NCK2: variants seen among roughly 807,000 people sequenced by gnomAD.
NCK2 encodes the protein cytoplasmic protein NCK2.
Under a neutral mutation model 33.9 loss-of-function variants are expected in NCK2, and 16 were observed. The observed-to-expected ratio is 0.47, with a 90% CI of 0.32 to 0.72. The LOEUF (loss-of-function observed/expected upper bound fraction) is 0.72, where lower values mean the gene tolerates loss of function less well. Among genes scored for constraint, NCK2 ranks in the 30% least tolerant of loss-of-function variants. The probability of loss-of-function intolerance (pLI) is 0.03; values close to 1 mark genes in which losing one functional copy is unlikely to be tolerated. For synonymous variants in NCK2, 273 were observed against 239.9 expected, an observed-to-expected ratio of 1.14 and a Z score of -1.27; for missense variants, 418 against 537.3, an observed-to-expected ratio of 0.78 and a Z score of 2.19.
chr2:105,859,897 C>T (rs1697734255), intron 3 of NCK2, among the ~76,000 whole-genome samples: 2 of 152,166 alleles, frequency 1.3e-5, no homozygotes, highest in Admixed American at 1.3e-4. Flanking sequence ...ACGGGCACAC[C>T]TGCCTTGGAG....
chr2:105,767,710 A>G (rs1689992675), intron 1 of NCK2, among the ~76,000 whole-genome samples: 1 of 152,236 alleles, frequency 6.6e-6, no homozygotes, highest in Non-Finnish European at 1.5e-5. Context: ...AACAGAAATC[A>G]GGAGAGCTGC....
chr2:105,843,010 G>C (rs1676710035), intron 2 of NCK2, among the ~76,000 whole-genome samples: 1 of 152,174 alleles, frequency 6.6e-6, no homozygotes, highest in Non-Finnish European at 1.5e-5. Context: ...ATGTGGCCCA[G>C]GAGTGGGCTA....
At chr2:105,775,076 T>C (rs1690258304) in intron 1 of NCK2, among the ~76,000 whole-genome samples, 1 of 152,130 alleles carries the variant, frequency 6.6e-6, no homozygotes, top group Non-Finnish European at 1.5e-5. Flanking sequence ...AGAAATTGAG[T>C]CACACCATGG....
chr2:105,764,597 A>T (rs1689874461), intron 1 of NCK2, among the ~76,000 whole-genome samples: 1 of 152,198 alleles, frequency 6.6e-6, no homozygotes, highest in Admixed American at 6.5e-5. Flanking sequence ...TCAAAGTGCA[A>T]ACCAAACACA....
intron 2 of NCK2, among the ~76,000 whole-genome samples, chr2:105,820,811 T>A (rs1251786799): frequency 2.0e-5 from 3 of 152,350 alleles, no homozygotes; most frequent in Non-Finnish European, 4.4e-5. Flanking sequence ...ATGACAGACA[T>A]GTCCTAATGG....
intron 3 of NCK2, among the ~76,000 whole-genome samples, chr2:105,872,306 C>A (rs1678048063): frequency 6.6e-6 from 1 of 152,164 alleles, no homozygotes; most frequent in Non-Finnish European, 1.5e-5. Flanking sequence ...TGCCCTGTGC[C>A]CTTGCTGTTC....
At chr2:105,863,969 C>A (rs1422231480) in intron 3 of NCK2, among the ~76,000 whole-genome samples, 25 of 147,332 alleles carry the variant, frequency 1.7e-4, no homozygotes, top group Admixed American at 1.6e-3. Context: ...TGAGACTTGG[C>A]GAGGGGGGGT....
At chr2:105,785,306 A>G (rs114024171) in intron 1 of NCK2, among the ~76,000 whole-genome samples, 3,049 of 152,272 alleles carry the variant, frequency 0.02, 52 homozygotes, top group Non-Finnish European at 0.022. Flanking sequence ...CGAGGTGGCC[A>G]TGCTGTGTGT....
chr2:105,881,290 A>AG, intron 3 of NCK2, 38 bp from the exon 4 acceptor site: 1 of 1,543,684 alleles, frequency 6.5e-7, no homozygotes, highest in Non-Finnish European at 8.7e-7. Flanking sequence ...GTGGTGCCCA[A>AG]GTGCCCTGCG....
chr2:105,802,190 G>T (rs1414879454), intron 1 of NCK2, among the ~76,000 whole-genome samples: 1 of 152,192 alleles, frequency 6.6e-6, no homozygotes, highest in Non-Finnish European at 1.5e-5. Flanking sequence ...ACAATGGACG[G>T]AAACTGATGT....
intron 1 of NCK2, among the ~76,000 whole-genome samples, chr2:105,763,326 G>A (rs536312545): frequency 1.3e-5 from 2 of 152,246 alleles, no homozygotes; most frequent in East Asian, 1.9e-4. Flanking sequence ...TGCTGGGACC[G>A]AGGCTGCTGG....
intron 2 of NCK2, among the ~76,000 whole-genome samples, chr2:105,839,328 C>T (rs1676548969): frequency 6.6e-6 from 1 of 152,060 alleles, no homozygotes; most frequent in Non-Finnish European, 1.5e-5. Context: ...AAAGCGAGTG[C>T]CAGGAGGGTA....
At position 105,892,953 on chromosome 2, in the gene NCK2, G is replaced by T. The variant is rs780958750; in HGVS notation, c.949-29G>T. 2.8e-5 allele frequency: 45 copies of T among 1,583,928 alleles called. 2 individuals carry two copies. The South Asian group carries it at 4.5e-4, about 16-fold the overall frequency. On this transcript the variant is annotated intron_variant, in intron 4 of 4. Coordinates refer to ENST00000233154, the MANE Select transcript of NCK2 (RefSeq NM_003581.5). The stretch of plus-strand genomic sequence containing the variant: ...AGACACAGCTCCCCGCTGTGGCCCG[G>T]CTGTAACTGTGTTCTGTTTCCTCCC...
chr2:105,858,918 A>C (rs1272965330), intron 3 of NCK2, among the ~76,000 whole-genome samples: 2 of 152,236 alleles, frequency 1.3e-5, no homozygotes, highest in African/African-American at 4.8e-5. Context: ...GCTTATGATC[A>C]TGAATAGTCA....
chr2:105,808,220 A>C lies in NCK2; in HGVS notation c.-200-8210A>C, dbSNP rs146980729. ...GCCTCTTTCTTTGTTTCTTAAGAAA[A>C]GAACATTACATCATTCAATGCTTAA... On this transcript the variant is annotated intron_variant, in intron 1 of 4. Coordinates refer to ENST00000233154, the MANE Select transcript of NCK2 (RefSeq NM_003581.5). 2.5e-4 allele frequency among the ~76,000 whole-genome samples: 38 copies of C among 152,294 alleles called. No homozygotes were observed. In the East Asian group the frequency reaches 5.8e-3, roughly 23 times the overall value.
intron 2 of NCK2, among the ~76,000 whole-genome samples, chr2:105,828,780 G>A (rs142806122): frequency 1.3e-3 from 199 of 152,254 alleles, no homozygotes; most frequent in African/African-American, 4.4e-3. Context: ...TAGTAAATTA[G>A]GCATGCTCTC....
intron 1 of NCK2, among the ~76,000 whole-genome samples, chr2:105,799,660 C>T (rs1674738420): frequency 6.6e-6 from 1 of 152,172 alleles, no homozygotes; most frequent in Admixed American, 6.5e-5. Context: ...ATATGAAAGC[C>T]TATAAAAAGC....
chr2:105,807,209 G>A (rs1032673805), intron 1 of NCK2, among the ~76,000 whole-genome samples: 3 of 152,214 alleles, frequency 2.0e-5, no homozygotes, highest in Admixed American at 6.5e-5. Flanking sequence ...CACTCTGGGT[G>A]TTACTGTCCT....
At chr2:105,856,584 T>C (rs187669554) in intron 3 of NCK2, 5 of 152,374 alleles carry the variant, frequency 3.3e-5, no homozygotes, top group Non-Finnish European at 5.9e-5. Context: ...TTTTCTGCCA[T>C]GTTGAAAAGT....
Sources: gnomAD v4.1 joint callset for allele counts (sites outside exome capture counted in the v4.1 genomes callset) on GRCh38, gnomAD v4.1.1 for gene constraint, MANE v1.5 for transcripts, NCBI Gene and HGNC (gene_info 2026-07-23, HGNC 2026-07-21) for gene names.